Variants in KCNH8 observed in about 807,000 individuals in gnomAD.
The protein encoded by KCNH8 is potassium voltage-gated channel subfamily H member 8.
In KCNH8, 70 loss-of-function variants were observed where a neutral mutation model predicts 103.6. That is an observed-to-expected ratio of 0.68 (90% CI 0.56 to 0.82). The LOEUF (loss-of-function observed/expected upper bound fraction) is 0.82, where lower values mean the gene tolerates loss of function less well. Among genes scored for constraint, KCNH8 ranks in the 40% least tolerant of loss-of-function variants. KCNH8 has a pLI of 0.00. For synonymous variants in KCNH8, 498 were observed against 489.4 expected (o/e 1.02, Z -0.23); for missense variants, 1,217 against 1,329.9 (o/e 0.92, Z 1.32).
intron 5 of KCNH8, among the ~76,000 whole-genome samples, chr3:19,374,742 C>G (rs1272914366): frequency 6.6e-6 from 1 of 152,014 alleles, no homozygotes; most frequent in Non-Finnish European, 1.5e-5. Context: ...GTGGCTGGTA[C>G]TAGTTGTTCC....
At chr3:19,222,501 T>G (rs2125232476) in intron 1 of KCNH8, among the ~76,000 whole-genome samples, 1 of 152,314 alleles carries the variant, frequency 6.6e-6, no homozygotes, top group African/African-American at 2.4e-5. Context: ...GGTCAAAGCA[T>G]GTGCATTTGT....
At chr3:19,305,646 A>C (rs1419865179) in intron 3 of KCNH8, among the ~76,000 whole-genome samples, 2 of 149,524 alleles carry the variant, frequency 1.3e-5, no homozygotes, top group Non-Finnish European at 3.0e-5. Flanking sequence ...AATGAAAAAC[A>C]TATTAGAGTA....
chr3:19,512,078 T>A (rs1357770286), intron 12 of KCNH8, among the ~76,000 whole-genome samples: 1 of 152,166 alleles, frequency 6.6e-6, no homozygotes, highest in African/African-American at 2.4e-5. Context: ...ATATAAGGGA[T>A]TCAATTTTCA....
rs749388183 is a variant in KCNH8 at position 19,163,417 on chromosome 3, ATACT to A, written c.76+14628_76+14631del. 7.8e-4 allele frequency among the ~76,000 whole-genome samples: 118 copies of A among 151,918 alleles called. No individual in the cohort carries two copies. The South Asian group carries it at 0.013, about 17-fold the overall frequency. On this transcript the variant is annotated intron_variant, in intron 1 of 15. Transcript: ENST00000328405. ...ACTTAAAGAATTATATTATTATTTA[ATACT>A]TACTTTCACTCTCAAAGCAGTCCCT...
intron 3 of KCNH8, among the ~76,000 whole-genome samples, chr3:19,309,926 C>G (rs941387434): frequency 1.3e-5 from 2 of 151,904 alleles, no homozygotes; most frequent in African/African-American, 2.4e-5. Flanking sequence ...CTCACCTCTC[C>G]CATCATCTCT....
chr3:19,285,347 A>C (rs942314698), intron 3 of KCNH8, among the ~76,000 whole-genome samples: 1 of 152,070 alleles, frequency 6.6e-6, no homozygotes, highest in Non-Finnish European at 1.5e-5. Context: ...AATCCTTTCC[A>C]CTAAATTTTG....
rs1487945699 is a variant in KCNH8 at position 19,471,707 on chromosome 3, GCAAGGGAGAT to G, written c.2040+14729_2040+14738del. On this transcript the variant is annotated intron_variant, in intron 11 of 15. Coordinates refer to ENST00000328405, the MANE Select transcript of KCNH8 (RefSeq NM_144633.3). ...TGGTCCAGAATCCTTTAGCAAGTAA[GCAAGGGAGAT>G]CAATTACTGGAATTTAAGTCCCAAA... Among the ~76,000 whole-genome samples, 4 of 152,292 alleles carry G rather than the reference GCAAGGGAGAT, an allele frequency of 2.6e-5. No homozygotes were observed. The South Asian group carries it at 8.3e-4, about 32-fold the overall frequency.
At chr3:19,159,802 A>G (rs1047841982) in intron 1 of KCNH8, among the ~76,000 whole-genome samples, 3 of 152,068 alleles carry the variant, frequency 2.0e-5, no homozygotes, top group South Asian at 4.1e-4. Context: ...CTTTCCTACA[A>G]CAACATGCAC....
intron 1 of KCNH8, among the ~76,000 whole-genome samples, chr3:19,209,058 A>G (rs2063743955): frequency 6.6e-6 from 1 of 152,008 alleles, no homozygotes. Context: ...GTATATAAAT[A>G]TAGACTACAC....
intron 11 of KCNH8, among the ~76,000 whole-genome samples, chr3:19,463,838 G>A (rs1388558474): frequency 2.0e-5 from 3 of 152,090 alleles, no homozygotes; most frequent in Non-Finnish European, 4.4e-5. Context: ...AGCAACCTGG[G>A]TATTCATCAC....
At chr3:19,331,152 A>G (rs1018805498) in intron 3 of KCNH8, among the ~76,000 whole-genome samples, 4 of 151,852 alleles carry the variant, frequency 2.6e-5, no homozygotes, top group Non-Finnish European at 5.9e-5. Context: ...TTTTCTTATA[A>G]TCTAAGTTTC....
Position 19,512,994 on chromosome 3 carries a change from A to G in KCNH8, c.2104A>G (p.Ile702Val), listed in dbSNP as rs1452158987. The change falls in exon 13 of 16, where the codon ATC becomes GTC. Residue 702 changes from isoleucine (I) to valine (V), a missense_variant. This residue lies in a region of KCNH8 where 558 missense variants were observed against 495.8 expected (regional missense o/e 1.13). Transcript: ENST00000328405. ...GTCAGAGCCCAAGGGAAATGGCAAC[A>G]TCAACAAGCGACTCCCATCCATTGT... The part of the protein sequence containing the change: ...SQSEPKGNGN[I>V]NKRLPSIVED... 2 of 1,613,496 alleles carry G rather than the reference A, an allele frequency of 1.2e-6. No individual in the cohort carries two copies. The highest frequency in any genetic ancestry group is 1.7e-5 in the Admixed American group (1 of 59,894).
chr3:19,258,943 C>CTATATATATATATA (rs1352620384), intron 2 of KCNH8, among the ~76,000 whole-genome samples: 4 of 53,416 alleles, frequency 7.5e-5, no homozygotes, highest in African/African-American at 7.8e-5. Context: ...CTCTCTCTCT[C>CTATATATATATATA]TCTCTATATA....
chr3:19,385,616 G>A (rs1044511472), intron 5 of KCNH8, among the ~76,000 whole-genome samples: 2 of 152,122 alleles, frequency 1.3e-5, no homozygotes, highest in African/African-American at 2.4e-5. Flanking sequence ...ATAAGCAAGG[G>A]TCAAGTGATA....
chr3:19,429,162 C>CTT (rs575154927), intron 7 of KCNH8, among the ~76,000 whole-genome samples: 1,158 of 89,786 alleles, frequency 0.013, 139 homozygotes, highest in East Asian at 0.092. Flanking sequence ...AGAATCCACT[C>CTT]TTTTTTTTTT....
At chr3:19,363,706 G>T (rs945631023) in intron 5 of KCNH8, among the ~76,000 whole-genome samples, 2 of 151,976 alleles carry the variant, frequency 1.3e-5, no homozygotes, top group Non-Finnish European at 2.9e-5. Context: ...CCCCCAAAAA[G>T]GTACTTTAAT....
chr3:19,376,784 A>G (rs565172218), intron 5 of KCNH8, among the ~76,000 whole-genome samples: 4 of 152,244 alleles, frequency 2.6e-5, no homozygotes, highest in Non-Finnish European at 5.9e-5. Context: ...AAGTGTGAAG[A>G]GACTCAAAAT....
At chr3:19,446,580 A>G (rs2067365614) in intron 8 of KCNH8, among the ~76,000 whole-genome samples, 1 of 151,988 alleles carries the variant, frequency 6.6e-6, no homozygotes, top group Admixed American at 6.6e-5. Context: ...CAAGAATGGA[A>G]ATTTCCAGGG....
At chr3:19,476,803 C>G (rs1435881629) in intron 11 of KCNH8, among the ~76,000 whole-genome samples, 4 of 152,154 alleles carry the variant, frequency 2.6e-5, no homozygotes, top group Non-Finnish European at 5.9e-5. Flanking sequence ...CTCTTTCCCT[C>G]AAAATCATCC....
Sources: allele counts gnomAD v4.1 joint callset (sites outside exome capture counted in the v4.1 genomes callset), GRCh38; gene constraint gnomAD v4.1.1; regional missense constraint gnomAD v4.1.1; transcripts MANE v1.5; gene names NCBI Gene and HGNC (gene_info 2026-07-23, HGNC 2026-07-21).